The following CREB1 variants were observed in gnomAD, a reference collection of about 807,000 sequenced individuals.
The protein encoded by CREB1 is cyclic AMP-responsive element-binding protein 1.
CREB1 carries 2 observed loss-of-function variants against 42.0 expected under a neutral mutation model. The ratio of observed to expected loss-of-function variants is 0.05; its 90% confidence interval spans 0.02 to 0.15. CREB1 has a LOEUF of 0.15. Among genes scored for constraint, CREB1 ranks in the 10% least tolerant of loss-of-function variants. The probability of loss-of-function intolerance (pLI) is 1.00; values close to 1 mark genes in which losing one functional copy is unlikely to be tolerated. For synonymous variants in CREB1, 123 were observed against 139.9 expected, an observed-to-expected ratio of 0.88 and a Z score of 0.85; for missense variants, 199 against 388.9, an observed-to-expected ratio of 0.51 and a Z score of 4.11.
At chr2:207,575,536 A>G (rs2082538827) in intron 6 of CREB1, 82 bp downstream of exon 6, 28 of 1,213,562 alleles carry the variant, frequency 2.3e-5, no homozygotes, top group Non-Finnish European at 3.2e-5. Flanking sequence ...AGTAAGTATC[A>G]TATTGCAAAC....
chr2:207,601,538 T>C lies in CREB1; in HGVS notation c.*4480T>C. On this transcript the variant is annotated 3_prime_UTR_variant, in exon 8 of 8. Coordinates refer to ENST00000353267, the MANE Select transcript of CREB1 (RefSeq NM_004379.5). Reference sequence around the variant, plus strand: ...GGATGAAGATTGAAGGGAAAATAACTCAAGTGCATAATATTTATTTTCAAT... The same window carrying C: ...GGATGAAGATTGAAGGGAAAATAACCCAAGTGCATAATATTTATTTTCAAT... The C allele has an allele frequency of 5.0e-6, 1 of 198,246 alleles. No individual in the cohort carries two copies. The highest frequency in any genetic ancestry group is 1.0e-5 in the Non-Finnish European group (1 of 95,844). 12.3% of individuals were successfully genotyped at this position (198,246 alleles called of 1,614,324 possible).
At chr2:207,556,671 C>T (rs758167609) in intron 2 of CREB1, among the ~76,000 whole-genome samples, 1 of 152,160 alleles carries the variant, frequency 6.6e-6, no homozygotes, top group Non-Finnish European at 1.5e-5. Flanking sequence ...CTCCTAAGAC[C>T]ACCAGGGTTT....
intron 1 of CREB1, among the ~76,000 whole-genome samples, chr2:207,553,133 A>T (rs1393167295): frequency 8.0e-6 from 1 of 124,398 alleles, no homozygotes; most frequent in African/African-American, 3.1e-5. Flanking sequence ...CAGTGGCACC[A>T]TGTTGGCTCA....
At chr2:207,531,408 A>G (rs1167935009) in intron 1 of CREB1, among the ~76,000 whole-genome samples, 2 of 152,254 alleles carry the variant, frequency 1.3e-5, no homozygotes, top group African/African-American at 4.8e-5. Context: ...GAGATTGACA[A>G]TTTAAGCCAC....
chr2:207,552,040 CT>C (rs1177935686), intron 1 of CREB1, among the ~76,000 whole-genome samples: 1 of 21,218 alleles, frequency 4.7e-5, no homozygotes, highest in Non-Finnish European at 1.4e-4. Flanking sequence ...GAAACTCCGT[CT>C]CAAAAAAAAA....
rs1490647734 is a variant in CREB1 at position 207,575,385 on chromosome 2, A to G, written c.619A>G (p.Ile207Val). 2 of 1,614,080 alleles carry G rather than the reference A, an allele frequency of 1.2e-6. No individual in the cohort carries two copies. The highest frequency in any genetic ancestry group is 1.3e-5 in the African/African-American group (1 of 74,940). The change falls in exon 6 of 8, where the codon ATT (isoleucine) becomes GTT (valine). Residue 207 changes from isoleucine (I) to valine (V), a missense_variant. Ile to Val is a conservative substitution (Grantham distance 29). Around this residue, in one of 4 missense-constraint regions of CREB1, gnomAD observed 66 missense variants for 88.1 expected, o/e 0.75. Coordinates refer to ENST00000353267, the MANE Select transcript of CREB1 (RefSeq NM_004379.5). ...NAAATQPGTT[I>V]LQYAQTTDGQ... Reference sequence around the variant, plus strand: ...AGCAGCCACTCAGCCGGGTACTACCATTCTACAGTATGCACAGACCACTGA... The same window carrying G: ...AGCAGCCACTCAGCCGGGTACTACCGTTCTACAGTATGCACAGACCACTGA...
At chr2:207,559,549 A>T (rs775528012) in intron 2 of CREB1, among the ~76,000 whole-genome samples, 1 of 152,204 alleles carries the variant, frequency 6.6e-6, no homozygotes, top group Non-Finnish European at 1.5e-5. Flanking sequence ...TGATTTAGCA[A>T]ATAAAATTCC....
chr2:207,560,519 C>A, intron 3 of CREB1, 147 bp downstream of exon 3: 1 of 662,336 alleles, frequency 1.5e-6, no homozygotes, highest in South Asian at 3.1e-5. Flanking sequence ...TGTATAGTCA[C>A]CTTATGTATA....
intron 7 of CREB1, among the ~76,000 whole-genome samples, chr2:207,596,161 G>A (rs899693931): frequency 2.0e-5 from 3 of 152,156 alleles, no homozygotes; most frequent in African/African-American, 7.2e-5. Context: ...ATAAGGTGCG[G>A]CCCAACCTCA....
chr2:207,571,779 G>A, intron 5 of CREB1: 1 of 452,570 alleles, frequency 2.2e-6, no homozygotes, highest in Non-Finnish European at 4.4e-6. Context: ...CAGATTCACT[G>A]TTACAGAGAT....
intron 7 of CREB1, among the ~76,000 whole-genome samples, chr2:207,582,341 A>G (rs1305589164): frequency 1.3e-5 from 2 of 152,208 alleles, no homozygotes; most frequent in Non-Finnish European, 2.9e-5. Context: ...ACTATTTGCT[A>G]TTCTAATGGG....
intron 7 of CREB1, among the ~76,000 whole-genome samples, chr2:207,590,492 T>C (rs753570505): frequency 2.6e-5 from 4 of 152,108 alleles, no homozygotes; most frequent in African/African-American, 7.2e-5. Flanking sequence ...CTGCTTGCTT[T>C]GGTTTTTTTA....
chr2:207,530,552 C>G (rs542724270), intron 1 of CREB1, among the ~76,000 whole-genome samples: 305 of 145,712 alleles, frequency 2.1e-3, no homozygotes, highest in Middle Eastern at 7.1e-3. Flanking sequence ...CCGCTCGGCC[C>G]GGCGCTGCCC....
chr2:207,570,497 C>G (rs377258860), intron 5 of CREB1, among the ~76,000 whole-genome samples, 176 bp downstream of exon 5: 4 of 152,244 alleles, frequency 2.6e-5, no homozygotes, highest in African/African-American at 9.6e-5. Context: ...GTAGTATTTT[C>G]TTTTCTTCAG....
At chr2:207,553,386 T>C (rs1474372051) in intron 1 of CREB1, among the ~76,000 whole-genome samples, 1 of 152,162 alleles carries the variant, frequency 6.6e-6, no homozygotes, top group African/African-American at 2.4e-5. Context: ...ACTTTTGTTG[T>C]TGTTGTTTGT....
chr2:207,548,231 CATT>C (rs1267541005), intron 1 of CREB1, among the ~76,000 whole-genome samples: 1 of 152,058 alleles, frequency 6.6e-6, no homozygotes, highest in East Asian at 1.9e-4. Flanking sequence ...ATCTGGCTGG[CATT>C]ATTTCTAACA....
intron 1 of CREB1, among the ~76,000 whole-genome samples, chr2:207,532,977 T>G (rs2080713028): frequency 6.6e-6 from 1 of 152,144 alleles, no homozygotes; most frequent in African/African-American, 2.4e-5. Flanking sequence ...AGGTGAAACT[T>G]CAAACTTGTA....
intron 3 of CREB1, among the ~76,000 whole-genome samples, chr2:207,566,714 A>C (rs1179498258): frequency 6.6e-6 from 1 of 152,182 alleles, no homozygotes; most frequent in Non-Finnish European, 1.5e-5. Context: ...TGGATATAAT[A>C]GTATAGTACC....
intron 5 of CREB1, among the ~76,000 whole-genome samples, chr2:207,570,773 C>T (rs903494976): frequency 6.6e-6 from 1 of 152,116 alleles, no homozygotes; most frequent in Admixed American, 6.5e-5. Context: ...TGGGGATAAG[C>T]ATGGCTTGGT....
Sources: allele counts gnomAD v4.1 joint callset (sites outside exome capture counted in the v4.1 genomes callset), GRCh38; gene constraint gnomAD v4.1.1; regional missense constraint gnomAD v4.1.1; transcripts MANE v1.5; gene names NCBI Gene and HGNC (gene_info 2026-07-23, HGNC 2026-07-21).